PLPPR4: variants seen among roughly 807,000 people sequenced by gnomAD.
PLPPR4 encodes phospholipid phosphatase related 4.
A neutral mutation model predicts 56.6 loss-of-function variants in PLPPR4; 24 were observed. That is an observed-to-expected ratio of 0.42 (90% CI 0.31 to 0.60). The LOEUF is 0.60. PLPPR4 is among the 20% of genes least tolerant of loss of function. The probability of loss-of-function intolerance (pLI) is 0.13; values close to 1 mark genes in which losing one functional copy is unlikely to be tolerated. For synonymous variants in PLPPR4, 326 were observed against 328.1 expected (o/e 0.99, Z 0.07); for missense variants, 654 against 885.8 (o/e 0.74, Z 3.32).
Position 99,305,752 on chromosome 1 carries a change from G to A in PLPPR4, c.890G>A (p.Arg297Lys). Residue 297 changes from arginine to lysine, a missense_variant, in exon 7 of 7, where the codon AGG (arginine) becomes AAG (lysine). Physicochemically the swap from Arg to Lys is conservative, Grantham distance 26 (BLOSUM62 2). Transcript: ENST00000370185. ...ATGTTTCAGCACAGAGACGCCCTCAGGTCTCTGACAGACCTCAATCAAGAT... is the reference window on the plus strand; with the variant it reads ...ATGTTTCAGCACAGAGACGCCCTCAAGTCTCTGACAGACCTCAATCAAGAT... The part of the protein sequence containing the change: ...ESMFQHRDAL[R>K]SLTDLNQDPN... The A allele has an allele frequency of 6.2e-7, 1 of 1,613,906 alleles. No individual in the cohort carries two copies. Among genetic ancestry groups the A allele is most frequent in the Non-Finnish European group, 8.5e-7 (1 of 1,179,880 alleles).
At chr1:99,298,987 C>A in intron 3 of PLPPR4, 48 bp from the exon 4 acceptor site, 1 of 1,288,102 alleles carries the variant, frequency 7.8e-7, no homozygotes, top group Non-Finnish European at 1.1e-6. Context: ...ATGTTTGATG[C>A]TGACACAACC....
intron 1 of PLPPR4, among the ~76,000 whole-genome samples, chr1:99,283,731 AC>A (rs1421611638): frequency 5.3e-5 from 8 of 152,144 alleles, no homozygotes; most frequent in Admixed American, 2.6e-4. Context: ...CGGGCGGATC[AC>A]CGAGGTCAGG....
chr1:99,299,099 A>C lies in PLPPR4; in HGVS notation c.459A>C (p.Gly153=), dbSNP rs1659818767. 2 of 1,613,590 alleles carry C rather than the reference A, an allele frequency of 1.2e-6. No homozygotes were observed. Among genetic ancestry groups the C allele is most frequent in the Non-Finnish European group, 1.7e-6 (2 of 1,179,706 alleles). ...LITDIIQLST[G]YQAPYFLTVC... is the part of the protein sequence containing the mutation. ...CAGATATCATACAGCTGTCCACAGG[A>C]TATCAAGCACCTTACTTTCTGACTG... Residue 153 remains glycine, a synonymous_variant, in exon 4 of 7, where the codon GGA becomes GGC. Coordinates refer to ENST00000370185, the MANE Select transcript of PLPPR4 (RefSeq NM_014839.5).
At chr1:99,289,250 A>G (rs1659554275) in intron 2 of PLPPR4, among the ~76,000 whole-genome samples, 2 of 152,178 alleles carry the variant, frequency 1.3e-5, no homozygotes, top group Admixed American at 6.6e-5. Context: ...ATTCTAATGA[A>G]TTCGCCTATT....
chr1:99,270,041 GT>G (rs1659014720), intron 1 of PLPPR4, among the ~76,000 whole-genome samples: 9 of 141,842 alleles, frequency 6.3e-5, no homozygotes, highest in African/African-American at 7.8e-5. Flanking sequence ...GTGTGTGTGT[GT>G]GTGGCAGGGT....
chr1:99,289,584 G>A (rs893930799), intron 2 of PLPPR4, among the ~76,000 whole-genome samples: 8 of 151,948 alleles, frequency 5.3e-5, no homozygotes, highest in African/African-American at 1.2e-4. Context: ...CTTGGAGTGC[G>A]ATATTGCTCA....
chr1:99,290,648 A>T lies in PLPPR4; in HGVS notation c.264+2498A>T, dbSNP rs184481694. Among the ~76,000 whole-genome samples the T allele has an allele frequency of 1.3e-3, 200 of 152,256 alleles. 1 individual carries two copies. Among genetic ancestry groups the T allele is most frequent in the Non-Finnish European group, 2.6e-3 (174 of 68,010 alleles). ...CCTAGAAATAAGACTGCACACCTACAACTATCTGATCTTTGACAATCCTGA... is the reference window on the plus strand; with the variant it reads ...CCTAGAAATAAGACTGCACACCTACTACTATCTGATCTTTGACAATCCTGA... On this transcript the variant is annotated intron_variant, in intron 2 of 6. Coordinates refer to ENST00000370185, the MANE Select transcript of PLPPR4 (RefSeq NM_014839.5).
Position 99,307,032 on chromosome 1 carries a change from G to A in PLPPR4, c.*22G>A. 6 of 1,559,490 alleles carry A rather than the reference G, an allele frequency of 3.8e-6. No individual in the cohort carries two copies. Among genetic ancestry groups the A allele is most frequent in the Non-Finnish European group, 5.2e-6 (6 of 1,159,512 alleles). Reference sequence around the variant, plus strand: ...TTGAGTGATGTCCATTCCATCATTAGGGCTACTCGCAAAAGACCATATGTT... The same window carrying A: ...TTGAGTGATGTCCATTCCATCATTAAGGCTACTCGCAAAAGACCATATGTT... On this transcript the variant is annotated 3_prime_UTR_variant, in exon 7 of 7. Transcript: ENST00000370185.
At chr1:99,295,963 T>A (rs1439122385) in intron 2 of PLPPR4, among the ~76,000 whole-genome samples, 2 of 151,640 alleles carry the variant, frequency 1.3e-5, no homozygotes, top group African/African-American at 4.9e-5. Context: ...CAGTAAGAGG[T>A]TTCAAAGAAA....
At chr1:99,271,796 A>G (rs1244403170) in intron 1 of PLPPR4, among the ~76,000 whole-genome samples, 1 of 152,054 alleles carries the variant, frequency 6.6e-6, no homozygotes, top group Non-Finnish European at 1.5e-5. Flanking sequence ...AGGTGTGTCC[A>G]AATGATAGAA....
At chr1:99,295,768 T>A (rs1374517539) in intron 2 of PLPPR4, among the ~76,000 whole-genome samples, 1 of 152,132 alleles carries the variant, frequency 6.6e-6, no homozygotes, top group Admixed American at 6.6e-5. Context: ...AAAATGCAAT[T>A]CTCACCGTGC....
chr1:99,285,497 T>C (rs2100796229), intron 1 of PLPPR4, among the ~76,000 whole-genome samples: 1 of 152,286 alleles, frequency 6.6e-6, no homozygotes, highest in East Asian at 1.9e-4. Flanking sequence ...TGATCAGATA[T>C]TTGAAGTGAT....
rs777758725 is a variant in PLPPR4, at chr1:99,298,938, A to G, written c.395-97A>G. ...AATCAACTTAGAGAAAATGAACACAATAGATTTTAAGATCTTAATTCACTA... is the reference window on the plus strand; with the variant it reads ...AATCAACTTAGAGAAAATGAACACAGTAGATTTTAAGATCTTAATTCACTA... On this transcript the variant is annotated intron_variant, in intron 3 of 6. Transcript: ENST00000370185. 25 of 872,042 alleles carry G rather than the reference A, an allele frequency of 2.9e-5. No homozygotes were observed. In the African/African-American group the frequency reaches 3.5e-4, roughly 12 times the overall value. 54.0% of individuals were successfully genotyped at this position (872,042 alleles called of 1,614,324 possible).
upstream of PLPPR4, among the ~76,000 whole-genome samples, chr1:99,263,202 G>C (rs539053035): frequency 6.6e-6 from 1 of 152,136 alleles, no homozygotes; most frequent in African/African-American, 2.4e-5. Context: ...AGCATCATGC[G>C]GTTGTGTGTT....
intron 4 of PLPPR4, among the ~76,000 whole-genome samples, chr1:99,300,437 A>C (rs1659857403): frequency 6.6e-6 from 1 of 152,054 alleles, no homozygotes; most frequent in Non-Finnish European, 1.5e-5. Context: ...CTAGAGTATT[A>C]ACAAAACACA....
At chr1:99,273,871 T>C (rs898426147) in intron 1 of PLPPR4, among the ~76,000 whole-genome samples, 1 of 152,128 alleles carries the variant, frequency 6.6e-6, no homozygotes, top group African/African-American at 2.4e-5. Context: ...AAAGTGATCA[T>C]AAATTGCCTA....
chr1:99,300,765 C>T, intron 4 of PLPPR4, 144 bp from the exon 5 acceptor site: 1 of 650,578 alleles, frequency 1.5e-6, no homozygotes, highest in East Asian at 2.6e-5. Flanking sequence ...AGGTCTTTCA[C>T]CAGAAAGCTG....
At chr1:99,277,895 C>T (rs1300635985) in intron 1 of PLPPR4, among the ~76,000 whole-genome samples, 1 of 152,020 alleles carries the variant, frequency 6.6e-6, no homozygotes, top group East Asian at 1.9e-4. Context: ...AGTTATGTCA[C>T]ATTTGCCTGA....
chr1:99,287,895 C>A (rs1659509099), intron 1 of PLPPR4, 70 bp from the exon 2 acceptor site: 5 of 1,185,422 alleles, frequency 4.2e-6, no homozygotes, highest in Non-Finnish European at 6.0e-6. Context: ...GGAGAGAAAG[C>A]CACTTGTTTT....
Sources: gnomAD v4.1 joint callset for allele counts (sites outside exome capture counted in the v4.1 genomes callset) on GRCh38, gnomAD v4.1.1 for gene constraint, MANE v1.5 for transcripts, NCBI Gene and HGNC (gene_info 2026-07-23, HGNC 2026-07-21) for gene names.